The following TMEM219 variants were observed in gnomAD, a reference collection of about 807,000 sequenced individuals.
TMEM219 encodes the protein insulin-like growth factor-binding protein 3 receptor.
TMEM219 carries 18 observed loss-of-function variants against 17.9 expected under a neutral mutation model. The observed-to-expected ratio is 1.01, with a 90% CI of 0.70 to 1.49. The LOEUF is 1.49. Ranked by LOEUF, TMEM219 falls within the 40% of genes most tolerant of loss-of-function variation. TMEM219 has a pLI of 0.00. For missense variants in TMEM219, 288 were observed against 292.4 expected, an observed-to-expected ratio of 0.99 and a Z score of 0.11; for synonymous variants, 113 against 124.0, an observed-to-expected ratio of 0.91 and a Z score of 0.59.
chr16:29,963,564 C>T lies in TMEM219; in HGVS notation c.330C>T (p.Val110=). 1 of 1,613,976 alleles carries T rather than the reference C, an allele frequency of 6.2e-7. No individual in the cohort carries two copies. Among genetic ancestry groups the T allele is most frequent in the Non-Finnish European group, 8.5e-7 (1 of 1,179,986 alleles). The change falls in exon 3 of 6, where the codon GTC becomes GTT. Residue 110 remains valine, a synonymous_variant. Coordinates refer to ENST00000279396, the MANE Select transcript of TMEM219 (RefSeq NM_001083613.2). ...RNKTRTFQAT[V]LGSQMGLKGS... ...AGACCCGGACATTCCAGGCCACAGTCCTGGGAAGTCAGATGGGATTGAAAG... is the reference window on the plus strand; with the variant it reads ...AGACCCGGACATTCCAGGCCACAGTTCTGGGAAGTCAGATGGGATTGAAAG...
chr16:29,966,010 C>T (rs1484856838), intron 3 of TMEM219, among the ~76,000 whole-genome samples: 2 of 152,292 alleles, frequency 1.3e-5, no homozygotes, highest in East Asian at 1.9e-4. Flanking sequence ...GCTGGGATTA[C>T]AGGTGTGAGC....
chr16:29,966,800 G>C (rs2069218214), intron 3 of TMEM219, among the ~76,000 whole-genome samples: 1 of 151,930 alleles, frequency 6.6e-6, no homozygotes, highest in Non-Finnish European at 1.5e-5. Flanking sequence ...TGGGCAACAA[G>C]AGTGAAACTC....
At chr16:29,972,831 G>A (rs574045487) in intron 5 of TMEM219, 119 bp from the exon 6 acceptor site, 1 of 152,320 alleles carries the variant, frequency 6.6e-6, no homozygotes, top group South Asian at 2.1e-4. Context: ...GGGATTAAAT[G>A]CCCGTATTGG....
In TMEM219 at chr16:29,963,606, G is replaced by A; in HGVS notation, c.355+17G>A. On this transcript the variant is annotated intron_variant, in intron 3 of 5. Coordinates refer to ENST00000279396, the MANE Select transcript of TMEM219 (RefSeq NM_001083613.2). ...GATTGAAAGGTGAGATCAGAGGCTG[G>A]GTGTGGTGGCTCACGCCTGTAATCC... 1 of 1,609,258 alleles carries A rather than the reference G, an allele frequency of 6.2e-7. No homozygotes were observed. The highest frequency in any genetic ancestry group is 8.5e-7 in the Non-Finnish European group (1 of 1,177,090).
intron 3 of TMEM219, among the ~76,000 whole-genome samples, chr16:29,965,319 A>G (rs1402734572): frequency 6.6e-6 from 1 of 152,184 alleles, no homozygotes; most frequent in Admixed American, 6.5e-5. Flanking sequence ...TGTGTCCGAT[A>G]TATGCAGACT....
chr16:29,971,073 C>T (rs1178434232), intron 4 of TMEM219, among the ~76,000 whole-genome samples: 1 of 151,626 alleles, frequency 6.6e-6, no homozygotes, highest in East Asian at 1.9e-4. Context: ...GGTGAAACCC[C>T]GTCTCTACTA....
intron 3 of TMEM219, among the ~76,000 whole-genome samples, chr16:29,967,654 A>G (rs139050558): frequency 1.1e-3 from 165 of 152,266 alleles, no homozygotes; most frequent in East Asian, 2.7e-3. Flanking sequence ...AGGGCCGGGC[A>G]CGGTGGCTCA....
chr16:29,971,163 G>T (rs12445982), intron 4 of TMEM219, among the ~76,000 whole-genome samples: 1 of 149,626 alleles, frequency 6.7e-6, no homozygotes, highest in African/African-American at 2.5e-5. Context: ...GGAGAATGGC[G>T]TGAACCCAGG....
At chr16:29,964,399 C>T (rs561906271) in intron 3 of TMEM219, among the ~76,000 whole-genome samples, 1 of 152,200 alleles carries the variant, frequency 6.6e-6, no homozygotes, top group Non-Finnish European at 1.5e-5. Flanking sequence ...AGGAGAATTG[C>T]TTGAACCCGG....
chr16:29,971,624 G>A, intron 5 of TMEM219, 46 bp downstream of exon 5: 2 of 1,468,732 alleles, frequency 1.4e-6, no homozygotes, highest in South Asian at 1.2e-5. Context: ...AATGGGGTGG[G>A]GGTGGGGGTT....
intron 3 of TMEM219, among the ~76,000 whole-genome samples, chr16:29,966,282 C>T (rs1228609862): frequency 6.6e-6 from 1 of 151,988 alleles, no homozygotes; most frequent in Non-Finnish European, 1.5e-5. Flanking sequence ...TCCTTTGTTC[C>T]TTTTTCTTTT....
chr16:29,963,140 C>G lies in TMEM219; in HGVS notation c.-4C>G. 1 of 1,610,986 alleles carries G rather than the reference C, an allele frequency of 6.2e-7. No individual in the cohort carries two copies. The highest frequency in any genetic ancestry group is 8.5e-7 in the Non-Finnish European group (1 of 1,179,978). On this transcript the variant is annotated 5_prime_UTR_variant, in exon 2 of 6. Transcript: ENST00000279396. ...CCCCGGAGGCTCAGCCCCCTCTGCT[C>G]CCCATGGGCAACTGCCAGGCAGGGC...
At chr16:29,967,743 C>CCT (rs1174107800) in intron 3 of TMEM219, among the ~76,000 whole-genome samples, 12 of 66,760 alleles carry the variant, frequency 1.8e-4, no homozygotes, top group Non-Finnish European at 4.5e-4. Flanking sequence ...CTGGCTACCA[C>CCT]AGTGAAACCC....
At chr16:29,966,700 C>T (rs1169980941) in intron 3 of TMEM219, among the ~76,000 whole-genome samples, 2 of 152,100 alleles carry the variant, frequency 1.3e-5, no homozygotes, top group Admixed American at 6.6e-5. Context: ...CCTGTAATCC[C>T]AGCTACTCAC....
At chr16:29,970,476 C>T (rs949723761) in intron 4 of TMEM219, among the ~76,000 whole-genome samples, 3 of 151,784 alleles carry the variant, frequency 2.0e-5, no homozygotes, top group Non-Finnish European at 4.4e-5. Flanking sequence ...AGGCGCCCGC[C>T]ACCATGCCCG....
At chr16:29,969,872 C>T (rs2069261198) in intron 4 of TMEM219, among the ~76,000 whole-genome samples, 1 of 152,042 alleles carries the variant, frequency 6.6e-6, no homozygotes, top group Non-Finnish European at 1.5e-5. Flanking sequence ...GATGTGCTTC[C>T]CTGGTGCTGG....
At chr16:29,965,601 C>T (rs965373859) in intron 3 of TMEM219, among the ~76,000 whole-genome samples, 3 of 149,186 alleles carry the variant, frequency 2.0e-5, no homozygotes, top group South Asian at 2.1e-4. Context: ...CGTGGTGGTG[C>T]ACACCTGTGG....
chr16:29,962,825 G>T, intron 1 of TMEM219: 1 of 362,058 alleles, frequency 2.8e-6, no homozygotes. Flanking sequence ...CCCCAGAACA[G>T]TGCTTCCTGT....
At position 29,963,568 on chromosome 16, in the gene TMEM219, G is replaced by T; in HGVS notation, c.334G>T (p.Gly112Ter). Residue 112 changes from glycine to a stop codon, truncating the protein, a stop_gained, in exon 3 of 6, where the codon GGA becomes TGA. Coordinates refer to ENST00000279396, the MANE Select transcript of TMEM219 (RefSeq NM_001083613.2). LOFTEE classifies it high-confidence loss of function. ...KTRTFQATVL[G>*]SQMGLKGSSA... ...CCGGACATTCCAGGCCACAGTCCTG[G>T]GAAGTCAGATGGGATTGAAAGGTGA... 6.2e-7 allele frequency: 1 copy of T among 1,614,054 alleles called. No homozygotes were observed. Among genetic ancestry groups the T allele is most frequent in the Non-Finnish European group, 8.5e-7 (1 of 1,179,994 alleles).
Sources: gnomAD v4.1 joint callset for allele counts (sites outside exome capture counted in the v4.1 genomes callset) on GRCh38, gnomAD v4.1.1 for gene constraint, MANE v1.5 for transcripts, NCBI Gene and HGNC (gene_info 2026-07-23, HGNC 2026-07-21) for gene names.